HOATZ: variants seen among roughly 807,000 people sequenced by gnomAD.
HOATZ encodes the protein HOATZ cilia and flagella associated protein, also known as cilia- and flagella-associated protein HOATZ.
A neutral mutation model predicts 24.9 loss-of-function variants in HOATZ; 26 were observed. The observed-to-expected ratio is 1.04, with a 90% CI of 0.76 to 1.45. HOATZ has a LOEUF of 1.45. Among genes scored for constraint, HOATZ ranks in the 40% most tolerant of loss-of-function variants. HOATZ has a pLI of 0.00. For synonymous variants in HOATZ, 83 were observed against 76.6 expected, an observed-to-expected ratio of 1.08 and a Z score of -0.43; for missense variants, 226 against 201.5, an observed-to-expected ratio of 1.12 and a Z score of -0.74.
At chr11:111,523,205 C>CTTTTTTTTTTTT (rs747393521) in intron 3 of HOATZ, among the ~76,000 whole-genome samples, 3 of 94,258 alleles carry the variant, frequency 3.2e-5, no homozygotes, top group African/African-American at 3.9e-5. Flanking sequence ...TAAGTGTTCA[C>CTTTTTTTTTTTT]TTTTTTTTTT....
intron 5 of HOATZ, chr11:111,535,908 G>C (rs1467527116): frequency 6.6e-6 from 1 of 152,224 alleles, no homozygotes; most frequent in African/African-American, 2.4e-5. Flanking sequence ...ACCCATCTCA[G>C]CTTCCCAAAG....
Position 111,514,800 on chromosome 11 carries a change from A to C in HOATZ, c.16A>C (p.Ser6Arg), listed in dbSNP as rs372731695. METGPSEEPSGRKESQ... is the reference protein window; with the variant it reads METGPREEPSGRKESQ... ...CTCAGTTGCCATGGAAACGGGACCC[A>C]GCGAAGAACCTAGCGGCCGAAAAGA... The change falls in exon 1 of 6, where the codon AGC becomes CGC. Residue 6 changes from serine to arginine, a missense_variant. Ser to Arg is a moderately radical substitution (Grantham distance 110). Coordinates refer to ENST00000375618, the MANE Select transcript of HOATZ (RefSeq NM_001100388.2). 4 of 1,613,970 alleles carry C rather than the reference A, an allele frequency of 2.5e-6. No homozygotes were observed. The African/African-American group carries it at 4.0e-5, about 16-fold the overall frequency.
At chr11:111,515,140 A>G (rs1867168242) in intron 1 of HOATZ, 130 bp downstream of exon 1, 1 of 659,200 alleles carries the variant, frequency 1.5e-6, no homozygotes, top group Non-Finnish European at 2.6e-6. Context: ...AAATGCATGT[A>G]TAAATATTTC....
chr11:111,526,377 A>C (rs1483157178), intron 3 of HOATZ, among the ~76,000 whole-genome samples: 2 of 152,236 alleles, frequency 1.3e-5, no homozygotes, highest in African/African-American at 4.8e-5. Flanking sequence ...ACAAAACTTC[A>C]GTCAGGAGGT....
At chr11:111,528,298 C>T (rs1281171287) in intron 3 of HOATZ, among the ~76,000 whole-genome samples, 3 of 152,154 alleles carry the variant, frequency 2.0e-5, no homozygotes, top group Non-Finnish European at 2.9e-5. Flanking sequence ...CCTGATGGTG[C>T]CACTGCACTT....
At chr11:111,524,921 G>T (rs926900079) in intron 3 of HOATZ, 6 of 444,340 alleles carry the variant, frequency 1.4e-5, no homozygotes, top group African/African-American at 1.2e-4. Flanking sequence ...AAGTGCAGTG[G>T]CATGATCATG....
intron 3 of HOATZ, among the ~76,000 whole-genome samples, chr11:111,523,826 T>C (rs573305678): frequency 6.6e-6 from 1 of 152,350 alleles, no homozygotes; most frequent in South Asian, 2.1e-4. Context: ...TACAGTCCAA[T>C]AGTCATACTC....
chr11:111,534,388 G>C, intron 4 of HOATZ, 24 bp from the exon 5 acceptor site: 1 of 1,581,950 alleles, frequency 6.3e-7, no homozygotes, highest in Non-Finnish European at 8.7e-7. Flanking sequence ...TTACCTTTTT[G>C]ATTTTTATTT....
chr11:111,525,968 T>C (rs1472138958), intron 3 of HOATZ, among the ~76,000 whole-genome samples: 3 of 152,212 alleles, frequency 2.0e-5, no homozygotes, highest in Non-Finnish European at 2.9e-5. Context: ...ATTACAGTGA[T>C]GTTAGGATAA....
Position 111,514,956 on chromosome 11 carries a change from A to T in HOATZ, c.172A>T (p.Arg58Ter), listed in dbSNP as rs948097075. The T allele has an allele frequency of 1.2e-6, 2 of 1,613,938 alleles. No homozygotes were observed. Among genetic ancestry groups the T allele is most frequent in the Non-Finnish European group, 1.7e-6 (2 of 1,180,030 alleles). ...PPSESQLVLR[R>*]DSSQRLPVAR... The stretch of plus-strand genomic sequence containing the variant: ...TAGCGAATCTCAGCTGGTGCTGCGC[A>T]GAGACAGCAGTCAGCGTCTGCCGGT... Residue 58 changes from arginine to a stop codon, truncating the protein, a stop_gained, in exon 1 of 6, where the codon AGA (arginine) becomes TGA (stop). Coordinates refer to ENST00000375618, the MANE Select transcript of HOATZ (RefSeq NM_001100388.2). LOFTEE classifies it high-confidence loss of function.
chr11:111,516,557 A>AG (rs2135772196), intron 3 of HOATZ, among the ~76,000 whole-genome samples: 1 of 152,256 alleles, frequency 6.6e-6, no homozygotes, highest in East Asian at 1.9e-4. Flanking sequence ...AAAAAAAAAA[A>AG]AAATTTTTAA....
intron 3 of HOATZ, among the ~76,000 whole-genome samples, chr11:111,517,974 C>A (rs1405181244): frequency 1.3e-5 from 2 of 152,098 alleles, no homozygotes; most frequent in Non-Finnish European, 2.9e-5. Flanking sequence ...CCTAACCTGT[C>A]TTCTCCTATC....
intron 3 of HOATZ, among the ~76,000 whole-genome samples, chr11:111,532,380 G>C (rs142951072): frequency 0.022 from 3,365 of 152,216 alleles, 129 homozygotes; most frequent in African/African-American, 0.076. Context: ...CAGGGTCTTT[G>C]CAGATGAAAT....
chr11:111,527,851 A>G (rs1437464060), intron 3 of HOATZ, among the ~76,000 whole-genome samples: 1 of 152,228 alleles, frequency 6.6e-6, no homozygotes, highest in Non-Finnish European at 1.5e-5. Flanking sequence ...GAGATGTTTT[A>G]AAATGATAAA....
At chr11:111,521,184 C>T (rs1468621227) in intron 3 of HOATZ, among the ~76,000 whole-genome samples, 1 of 152,098 alleles carries the variant, frequency 6.6e-6, no homozygotes, top group Non-Finnish European at 1.5e-5. Context: ...TCTCCCATTT[C>T]TTCCCATTTA....
At chr11:111,522,978 G>A (rs183745732) in intron 3 of HOATZ, among the ~76,000 whole-genome samples, 87 of 152,246 alleles carry the variant, frequency 5.7e-4, no homozygotes, top group Non-Finnish European at 7.1e-4. Flanking sequence ...CCAGCTACTC[G>A]GGAGGCTAAA....
Position 111,514,849 on chromosome 11 carries a change from G to A in HOATZ, c.65G>A (p.Gly22Glu), listed in dbSNP as rs751759838. Residue 22 changes from glycine to glutamate, a missense_variant, in exon 1 of 6, where the codon GGA becomes GAA. Coordinates refer to ENST00000375618, the MANE Select transcript of HOATZ (RefSeq NM_001100388.2). ...GAGTCCCAGGAAATGTGCCCCCCGG[G>A]ATTACTGGTATTTGCTGGCTCCTCG... Reference protein sequence around the residue: ...RKESQEMCPPGLLVFAGSSEQ... With the variant: ...RKESQEMCPPELLVFAGSSEQ... 4 of 1,614,034 alleles carry A rather than the reference G, an allele frequency of 2.5e-6. No individual in the cohort carries two copies. The highest frequency in any genetic ancestry group is 2.7e-5 in the African/African-American group (2 of 74,916).
At chr11:111,523,205 CTTTTTTTT>C (rs747393521) in intron 3 of HOATZ, among the ~76,000 whole-genome samples, 5 of 94,270 alleles carry the variant, frequency 5.3e-5, no homozygotes, top group Admixed American at 3.2e-4. Flanking sequence ...TAAGTGTTCA[CTTTTTTTT>C]TTTTTTTTTT....
At chr11:111,517,438 A>G (rs1170761083) in intron 3 of HOATZ, among the ~76,000 whole-genome samples, 1 of 152,228 alleles carries the variant, frequency 6.6e-6, no homozygotes, top group East Asian at 1.9e-4. Flanking sequence ...GATGTGAATT[A>G]CCAGTGGAGG....
Sources: allele counts gnomAD v4.1 joint callset (sites outside exome capture counted in the v4.1 genomes callset), GRCh38; gene constraint gnomAD v4.1.1; transcripts MANE v1.5; gene names NCBI Gene and HGNC (gene_info 2026-07-23, HGNC 2026-07-21).